Variants in AATK observed in about 807,000 individuals in gnomAD.
AATK encodes the protein lemur tail kinase 1.
A neutral mutation model predicts 114.3 loss-of-function variants in AATK; 91 were observed. That is an observed-to-expected ratio of 0.80 (90% CI 0.67 to 0.95). AATK has a LOEUF of 0.95. Among genes scored for constraint, AATK ranks in the 40% least tolerant of loss-of-function variants. AATK has a pLI of 0.00. For missense variants in AATK, 2,176 were observed against 1,965.2 expected (o/e 1.11, Z -2.03); for synonymous variants, 1,075 against 916.5 (o/e 1.17, Z -3.12).
At chr17:81,119,212 G>C (rs1399318465) in intron 13 of AATK, among the ~76,000 whole-genome samples, 168 bp downstream of exon 13, 1 of 144,650 alleles carries the variant, frequency 6.9e-6, no homozygotes, top group Non-Finnish European at 1.5e-5. Flanking sequence ...AGGGCCAGGC[G>C]GGGTCCAGGC....
At chr17:81,130,764 A>G (rs967501418) in intron 3 of AATK, among the ~76,000 whole-genome samples, 6 of 149,666 alleles carry the variant, frequency 4.0e-5, no homozygotes, top group African/African-American at 1.5e-4. Context: ...GTCCCTGTGC[A>G]TAGCAGCCCC....
chr17:81,119,011 G>A (rs2060623485), intron 13 of AATK, among the ~76,000 whole-genome samples: 1 of 152,098 alleles, frequency 6.6e-6, no homozygotes, highest in South Asian at 2.1e-4. Flanking sequence ...GGGCACCGTG[G>A]GGCCGGGGCA....
At chr17:81,125,798 G>A in intron 7 of AATK, 1 of 430,488 alleles carries the variant, frequency 2.3e-6, no homozygotes, top group East Asian at 7.5e-5. Flanking sequence ...TGTGTCCTGG[G>A]CCTAGGGGGT....
rs558427580 is a variant in AATK at position 81,130,400 on chromosome 17, G to A, written c.334+661C>T. On this transcript the variant is annotated intron_variant, in intron 3 of 13. Transcript: ENST00000326724. ...CATTCACCCCCAAACTCCCCAGCAC[G>A]TCCGCCCCATGTGAGTGGTCGGCCT... is the stretch of plus-strand genomic sequence containing the variant. 2.1e-4 allele frequency among the ~76,000 whole-genome samples: 32 copies of A among 152,222 alleles called. No homozygotes were observed. The South Asian group carries it at 4.8e-3, about 23-fold the overall frequency.
At chr17:81,142,305 C>T (rs1379945328) in intron 1 of AATK, among the ~76,000 whole-genome samples, 2 of 150,608 alleles carry the variant, frequency 1.3e-5, no homozygotes, top group Non-Finnish European at 2.9e-5. Flanking sequence ...CAGAATCTTG[C>T]TCTGTCACCC....
intron 6 of AATK, among the ~76,000 whole-genome samples, chr17:81,127,021 G>A (rs1357075195): frequency 2.7e-5 from 4 of 149,980 alleles, no homozygotes; most frequent in East Asian, 2.0e-4. Flanking sequence ...AGACAGCCTC[G>A]GCTCAGTGCA....
Position 81,120,541 on chromosome 17 carries a change from C to T in AATK, c.3395G>A (p.Arg1132Gln), listed in dbSNP as rs777262558. The change falls in exon 11 of 14, where the codon CGG becomes CAG. Residue 1132 changes from arginine to glutamine, a missense_variant. Coordinates refer to ENST00000326724, the MANE Select transcript of AATK (RefSeq NM_001080395.3). ...GLLSGPAPQKRMGGPGTPRAP... is the reference protein window; with the variant it reads ...GLLSGPAPQKQMGGPGTPRAP... ...TCTGGGGGTGCCTGGGCCCCCCATC[C>T]GCTTTTGTGGGGCCGGCCCTGACAA... The T allele has an allele frequency of 3.2e-5, 48 of 1,486,902 alleles. No individual in the cohort carries two copies. Among genetic ancestry groups the T allele is most frequent in the Admixed American group, 5.0e-5 (2 of 39,898 alleles). 92.1% of individuals were successfully genotyped at this position (1,486,902 alleles called of 1,614,324 possible).
At chr17:81,150,600 C>T (rs1047876021) in intron 1 of AATK, among the ~76,000 whole-genome samples, 110 of 152,256 alleles carry the variant, frequency 7.2e-4, no homozygotes, top group African/African-American at 2.5e-3. Flanking sequence ...CAGCCAGAAC[C>T]CTCCACTGCT....
Position 81,144,064 on chromosome 17 carries a change from C to T in AATK, c.56-9563G>A, listed in dbSNP as rs574508361. Among the ~76,000 whole-genome samples, 3 of 152,348 alleles carry T rather than the reference C, an allele frequency of 2.0e-5. No individual in the cohort carries two copies. The South Asian group carries it at 6.2e-4, about 32-fold the overall frequency. ...GCACATAAGGTGTGGCTCTCTGCCC[C>T]CACCCCTGTCCCCGCTCGGCCCTTC... On this transcript the variant is annotated intron_variant, in intron 1 of 13. Coordinates refer to ENST00000326724, the MANE Select transcript of AATK (RefSeq NM_001080395.3).
chr17:81,129,432 C>T (rs2060897040), intron 3 of AATK, among the ~76,000 whole-genome samples: 1 of 152,166 alleles, frequency 6.6e-6, no homozygotes, highest in South Asian at 2.1e-4. Flanking sequence ...AGTTCAGAGG[C>T]CCTGGGCACT....
rs771152854 is a variant in AATK, at chr17:81,126,445, C to G, written c.737G>C (p.Arg246Pro). 1 of 1,563,252 alleles carries G rather than the reference C, an allele frequency of 6.4e-7. No homozygotes were observed. Among genetic ancestry groups the G allele is most frequent in the South Asian group, 1.2e-5 (1 of 84,874 alleles). The change falls in exon 7 of 14, where the codon CGC becomes CCC. Residue 246 changes from arginine to proline, a missense_variant. By Grantham distance (103) the Arg-to-Pro change is moderately radical (BLOSUM62 -2). Coordinates refer to ENST00000326724, the MANE Select transcript of AATK (RefSeq NM_001080395.3). This position sits in a 1 kb window ranked among gnomAD's most constrained non-coding sequence, Gnocchi z 5.1. ...CCCTCACCTGTGCACGAAATTGTTG[C>G]GATGAAGGTGCAGGACGCCACAGGC... The part of the protein sequence containing the change: ...EVACGVLHLH[R>P]NNFVHSDLAL...
In AATK at chr17:81,121,158, G is replaced by A. The variant is rs756194679; in HGVS notation, c.2778C>T (p.Gly926=). ...GCGCTCGCGGCTGCCCTCCAGAGGG[G>A]CCAGTGGCCGACGGGCTGAAGACCT... ...GYEVFSPSAT[G]PSGGQPRALD... The change falls in exon 11 of 14, where the codon GGC becomes GGT. Residue 926 remains glycine (G), a synonymous_variant. Coordinates refer to ENST00000326724, the MANE Select transcript of AATK (RefSeq NM_001080395.3). 1.2e-6 allele frequency: 2 copies of A among 1,602,542 alleles called. No individual in the cohort carries two copies. Among genetic ancestry groups the A allele is most frequent in the Non-Finnish European group, 1.7e-6 (2 of 1,175,322 alleles).
intron 1 of AATK, among the ~76,000 whole-genome samples, chr17:81,137,645 G>C (rs1232336315): frequency 1.3e-5 from 2 of 152,104 alleles, no homozygotes; most frequent in African/African-American, 4.8e-5. Context: ...GACACTTGTT[G>C]TAACAATCCA....
In AATK at chr17:81,165,862, A is replaced by G. The variant is rs76831335; in HGVS notation, c.55+76T>C. On this transcript the variant is annotated intron_variant, in intron 1 of 13. Coordinates refer to ENST00000326724, the MANE Select transcript of AATK (RefSeq NM_001080395.3). Reference sequence around the variant, plus strand: ...AGGGTTAATTTCCATGCAAACCGGGAGCCGTGGGGCCCAGGGGCATCACGT... The same window carrying G: ...AGGGTTAATTTCCATGCAAACCGGGGGCCGTGGGGCCCAGGGGCATCACGT... 2.4e-5 allele frequency: 37 copies of G among 1,534,212 alleles called. 1 individual carries two copies. The South Asian group carries it at 3.5e-4, about 14-fold the overall frequency.
At chr17:81,157,411 C>T (rs935533675) in intron 1 of AATK, among the ~76,000 whole-genome samples, 20 of 152,322 alleles carry the variant, frequency 1.3e-4, no homozygotes, top group Middle Eastern at 3.4e-3. Context: ...CTGCCGCACA[C>T]GCTGGCAGCC....
At chr17:81,160,236 C>G (rs2061414199) in intron 1 of AATK, 1 of 984,854 alleles carries the variant, frequency 1.0e-6, no homozygotes, top group South Asian at 4.7e-5. Context: ...CCCCACGTAC[C>G]AGGCTCTGGG....
intron 5 of AATK, 40 bp downstream of exon 5, chr17:81,127,752 G>A: frequency 1.3e-6 from 2 of 1,506,510 alleles, no homozygotes. Flanking sequence ...GAGAGGAGGG[G>A]GCCGCACAGC....
At position 81,131,129 on chromosome 17, in the gene AATK, C is replaced by G; in HGVS notation, c.266G>C (p.Gly89Ala). The change falls in exon 3 of 14, where the codon GGG becomes GCG. Residue 89 changes from glycine to alanine, a missense_variant. By Grantham distance (60) the Gly-to-Ala change is moderately conservative (BLOSUM62 0). Around this residue, in one of 4 missense-constraint regions of AATK, gnomAD observed 178 missense variants for 175.4 expected, o/e 1.01. Coordinates refer to ENST00000326724, the MANE Select transcript of AATK (RefSeq NM_001080395.3). Reference sequence around the variant, plus strand: ...GAGTGGCAGGACGTACACGTCGGGCCCGTTCTGTGCTGCCGTGGCCGGGGA... The same window carrying G: ...GAGTGGCAGGACGTACACGTCGGGCGCGTTCTGTGCTGCCGTGGCCGGGGA... ...QGSPATAAQN[G>A]PDVYVLPLTE... The G allele has an allele frequency of 1.3e-6, 2 of 1,567,280 alleles. No individual in the cohort carries two copies. The highest frequency in any genetic ancestry group is 3.3e-4 in the Middle Eastern group (2 of 6,012).
intron 6 of AATK, among the ~76,000 whole-genome samples, chr17:81,127,362 C>A (rs923129435): frequency 3.3e-5 from 5 of 152,060 alleles, no homozygotes; most frequent in Non-Finnish European, 7.4e-5. Context: ...TGCAGGGAGC[C>A]CCAGCCCAGG....
Sources: gnomAD v4.1 joint callset for allele counts (sites outside exome capture counted in the v4.1 genomes callset) on GRCh38, gnomAD v4.1.1 for gene constraint, gnomAD v4.1.1 regional missense constraint, Gnocchi (gnomAD v3.1) non-coding constraint, MANE v1.5 for transcripts, NCBI Gene and HGNC (gene_info 2026-07-23, HGNC 2026-07-21) for gene names.